PRXL2A: variants seen among roughly 807,000 people sequenced by gnomAD.
The protein encoded by PRXL2A is peroxiredoxin-like 2A.
A neutral mutation model predicts 25.6 loss-of-function variants in PRXL2A; 26 were observed. That is an observed-to-expected ratio of 1.02 (90% confidence interval 0.74 to 1.41). The LOEUF (loss-of-function observed/expected upper bound fraction) is 1.41, where lower values mean the gene tolerates loss of function less well. Ranked by LOEUF, PRXL2A falls within the 40% of genes most tolerant of loss-of-function variation. PRXL2A has a pLI of 0.00. For synonymous variants in PRXL2A, 98 were observed against 102.9 expected, an observed-to-expected ratio of 0.95 and a Z score of 0.29; for missense variants, 246 against 273.9, an observed-to-expected ratio of 0.90 and a Z score of 0.72.
chr10:80,429,047 A>G (rs1014141648), intron 5 of PRXL2A, among the ~76,000 whole-genome samples: 1 of 151,962 alleles, frequency 6.6e-6, no homozygotes, highest in African/African-American at 2.4e-5. Flanking sequence ...GACTACAGGC[A>G]CCCACCACCA....
At position 80,435,991 on chromosome 10, in the gene PRXL2A, C is replaced by G. The variant is rs759975709; in HGVS notation, c.*3892C>G. On this transcript the variant is annotated 3_prime_UTR_variant, in exon 6 of 6. Coordinates refer to ENST00000606162, the MANE Select transcript of PRXL2A (RefSeq NM_032333.5). Reference sequence around the variant, plus strand: ...AAATTCAAAGAACGTAAGAAAATGTCCTTGCTGTAAAGCTGGTGGTTCTCA... The same window carrying G: ...AAATTCAAAGAACGTAAGAAAATGTGCTTGCTGTAAAGCTGGTGGTTCTCA... 2.0e-5 allele frequency: 3 copies of G among 151,994 alleles called. No homozygotes were observed. Among genetic ancestry groups the G allele is most frequent in the Non-Finnish European group, 4.4e-5 (3 of 68,018 alleles). 9.4% of individuals were successfully genotyped at this position (151,994 alleles called of 1,614,324 possible).
chr10:80,424,568 A>C (rs1844973994), intron 3 of PRXL2A, among the ~76,000 whole-genome samples: 1 of 133,226 alleles, frequency 7.5e-6, no homozygotes, highest in Non-Finnish European at 1.5e-5. Context: ...ACAGGGCAAG[A>C]CTCAAAAAAA....
At chr10:80,421,278 A>G (rs1273458930) in intron 2 of PRXL2A, among the ~76,000 whole-genome samples, 1 of 152,172 alleles carries the variant, frequency 6.6e-6, no homozygotes. Context: ...GGACTGCTAG[A>G]ATCCATTGTG....
intron 1 of PRXL2A, among the ~76,000 whole-genome samples, chr10:80,418,029 T>C (rs1354893229): frequency 6.6e-6 from 1 of 152,006 alleles, no homozygotes. Context: ...TTATTCCTTT[T>C]TTTTTTTTTT....
intron 1 of PRXL2A, chr10:80,420,196 C>T: frequency 9.1e-7 from 1 of 1,098,868 alleles, no homozygotes; most frequent in Non-Finnish European, 1.1e-6. Flanking sequence ...AGCAAGAGAA[C>T]CATTTGAGAA....
At chr10:80,428,616 C>G (rs1000130282) in intron 5 of PRXL2A, among the ~76,000 whole-genome samples, 2 of 151,974 alleles carry the variant, frequency 1.3e-5, no homozygotes, top group African/African-American at 4.8e-5. Flanking sequence ...CTGCAGTGAG[C>G]TGAGATTGTG....
chr10:80,432,270 C>G lies in PRXL2A; in HGVS notation c.*171C>G, dbSNP rs1845289473. 1 of 516,044 alleles carries G rather than the reference C, an allele frequency of 1.9e-6. No homozygotes were observed. Among genetic ancestry groups the G allele is most frequent in the South Asian group, 3.1e-5 (1 of 32,318 alleles). The allele number at this position is 516,044 out of a possible 1,614,324, so 32.0% of individuals were successfully genotyped here. ...GTTTAGGCCCACTAAGGCAAAATAG[C>G]CCCAAAACAAGACTGACAAAAATCT... On this transcript the variant is annotated 3_prime_UTR_variant, in exon 6 of 6. Coordinates refer to ENST00000606162, the MANE Select transcript of PRXL2A (RefSeq NM_032333.5).
chr10:80,423,005 G>C (rs1167984961), intron 3 of PRXL2A, among the ~76,000 whole-genome samples: 1 of 152,192 alleles, frequency 6.6e-6, no homozygotes, highest in African/African-American at 2.4e-5. Context: ...ACAGCTGAGA[G>C]CCACATTCTC....
chr10:80,417,698 T>C (rs1844710741), intron 1 of PRXL2A, among the ~76,000 whole-genome samples: 1 of 152,152 alleles, frequency 6.6e-6, no homozygotes, highest in Non-Finnish European at 1.5e-5. Flanking sequence ...GATGTTGTTT[T>C]TTGTTTGGTT....
chr10:80,436,638 T>A lies in PRXL2A; in HGVS notation c.*4539T>A, dbSNP rs923178286. ...TCTCTCTGACCTTCTCCTGCCCTCTTGTTTCTGGCTTTTCATTCTCCCCCA... is the reference window on the plus strand; with the variant it reads ...TCTCTCTGACCTTCTCCTGCCCTCTAGTTTCTGGCTTTTCATTCTCCCCCA... On this transcript the variant is annotated 3_prime_UTR_variant, in exon 6 of 6. Transcript: ENST00000606162. 2 of 152,266 alleles carry A rather than the reference T, an allele frequency of 1.3e-5. No individual in the cohort carries two copies. Among genetic ancestry groups the A allele is most frequent in the Non-Finnish European group, 2.9e-5 (2 of 68,116 alleles). The allele number at this position is 152,266 out of a possible 1,614,324, so 9.4% of individuals were successfully genotyped here.
At chr10:80,430,768 A>G (rs10736364) in intron 5 of PRXL2A, among the ~76,000 whole-genome samples, 152,110 of 152,386 alleles carry the variant, frequency 1, 75,917 homozygotes, top group Middle Eastern at 1. Flanking sequence ...ACAAAGCTGA[A>G]TGGCCTTTCC....
intron 3 of PRXL2A, among the ~76,000 whole-genome samples, chr10:80,423,657 A>G (rs909949990): frequency 1.3e-5 from 2 of 152,198 alleles, no homozygotes; most frequent in Non-Finnish European, 2.9e-5. Context: ...GGTCCTCACC[A>G]TAGCCCTTGG....
chr10:80,419,909 A>G (rs773922330), intron 1 of PRXL2A: 24 of 922,362 alleles, frequency 2.6e-5, no homozygotes, highest in Non-Finnish European at 2.8e-5. Context: ...TGGGGGCTTG[A>G]TGAGTAGGAT....
chr10:80,419,323 T>G (rs1285954076), intron 1 of PRXL2A, among the ~76,000 whole-genome samples: 1 of 140,668 alleles, frequency 7.1e-6, no homozygotes, highest in East Asian at 2.2e-4. Context: ...TTTTTTTTTT[T>G]TGAGACGGAG....
intron 1 of PRXL2A, among the ~76,000 whole-genome samples, chr10:80,414,447 T>C (rs763455140): frequency 6.6e-6 from 1 of 152,148 alleles, no homozygotes; most frequent in Non-Finnish European, 1.5e-5. Flanking sequence ...AAATTTCCTT[T>C]AGAGTAAACA....
rs1363762748 is a variant in PRXL2A, at chr10:80,413,117, ACCCCTGTCCC to A, written c.-3+4477_-3+4486del. Among the ~76,000 whole-genome samples the A allele has an allele frequency of 2.6e-5, 4 of 151,890 alleles. 1 individual carries two copies. The highest frequency in any genetic ancestry group is 4.2e-4 in the South Asian group (2 of 4,802). On this transcript the variant is annotated intron_variant, in intron 1 of 5. Transcript: ENST00000606162. ...AAGGCAAATGAACAGTAAAATGTGA[ACCCCTGTCCC>A]CCACTGTCCCCCCTCCCTGCCCCCC...
rs1845373013 is a variant in PRXL2A, at chr10:80,435,298, C to T, written c.*3199C>T. Reference sequence around the variant, plus strand: ...TTCTTTTGGCAGCCTTGAGCTTCCCCAGGCAGGGACCCAAAGGGGCCTGGG... The same window carrying T: ...TTCTTTTGGCAGCCTTGAGCTTCCCTAGGCAGGGACCCAAAGGGGCCTGGG... On this transcript the variant is annotated 3_prime_UTR_variant, in exon 6 of 6. Transcript: ENST00000606162. 1 of 152,196 alleles carries T rather than the reference C, an allele frequency of 6.6e-6. No individual in the cohort carries two copies. The highest frequency in any genetic ancestry group is 2.4e-5 in the African/African-American group (1 of 41,442). The allele number at this position is 152,196 out of a possible 1,614,324, so 9.4% of individuals were successfully genotyped here. A position where few individuals can be genotyped will look rare whatever the true frequency, so the allele number is the denominator to read the frequency against.
At chr10:80,426,117 T>G in intron 4 of PRXL2A, 111 bp downstream of exon 4, 1 of 1,391,300 alleles carries the variant, frequency 7.2e-7, no homozygotes. Context: ...TGGCCTTCCC[T>G]TCAGCTGTCC....
chr10:80,420,650 G>C lies in PRXL2A; in HGVS notation c.178+5G>C, dbSNP rs1202825409. ...ACCTGAAAACACTGGAGAAGGGTAAGTGGTGACCCTTCAGGTCTCAGTACT... is the reference window on the plus strand; with the variant it reads ...ACCTGAAAACACTGGAGAAGGGTAACTGGTGACCCTTCAGGTCTCAGTACT... On this transcript the variant is annotated splice_donor_5th_base_variant and intron_variant, in intron 2 of 5. Coordinates refer to ENST00000606162, the MANE Select transcript of PRXL2A (RefSeq NM_032333.5). The C allele has an allele frequency of 6.3e-7, 1 of 1,590,670 alleles. No homozygotes were observed. Among genetic ancestry groups the C allele is most frequent in the Admixed American group, 1.7e-5 (1 of 58,466 alleles).
Sources: gnomAD v4.1 joint callset for allele counts (sites outside exome capture counted in the v4.1 genomes callset) on GRCh38, gnomAD v4.1.1 for gene constraint, MANE v1.5 for transcripts, NCBI Gene and HGNC (gene_info 2026-07-23, HGNC 2026-07-21) for gene names.